Variants in SLC20A2 observed in about 807,000 individuals in gnomAD.
SLC20A2 encodes solute carrier family 20 member 2, also known as sodium-dependent phosphate transporter 2.
Under a neutral mutation model 61.0 loss-of-function variants are expected in SLC20A2, and 30 were observed. The observed-to-expected ratio is 0.49, with a 90% CI of 0.37 to 0.67. The LOEUF (loss-of-function observed/expected upper bound fraction) is 0.67. Ranked by LOEUF, SLC20A2 falls within the 30% of genes least tolerant of loss-of-function variation. The probability of loss-of-function intolerance (pLI) is 0.00; values close to 1 mark genes in which losing one functional copy is unlikely to be tolerated. For missense variants in SLC20A2, 626 were observed against 866.4 expected (o/e 0.72, Z 3.48); for synonymous variants, 351 against 353.3 (o/e 0.99, Z 0.07).
At chr8:42,436,886 C>T in intron 8 of SLC20A2, 103 bp downstream of exon 8, 4 of 1,065,740 alleles carry the variant, frequency 3.8e-6, no homozygotes, top group Non-Finnish European at 5.4e-6. Context: ...CTGGCAGGGA[C>T]TTCCATCGGT....
At chr8:42,446,348 G>C (rs57604068) in intron 5 of SLC20A2, among the ~76,000 whole-genome samples, 1 of 152,184 alleles carries the variant, frequency 6.6e-6, no homozygotes. Context: ...TTGTCCATCT[G>C]CTGTCAATGG....
At chr8:42,517,235 G>A (rs1250084163) in intron 1 of SLC20A2, among the ~76,000 whole-genome samples, 1 of 151,992 alleles carries the variant, frequency 6.6e-6, no homozygotes, top group African/African-American at 2.4e-5. Context: ...GGGCGAGGTG[G>A]CTCATGCCTG....
At chr8:42,482,820 G>A (rs1190188307) in intron 1 of SLC20A2, among the ~76,000 whole-genome samples, 1 of 152,088 alleles carries the variant, frequency 6.6e-6, no homozygotes, top group Non-Finnish European at 1.5e-5. Context: ...GAGGTCAGGG[G>A]TTTCAGACCA....
intron 1 of SLC20A2, among the ~76,000 whole-genome samples, chr8:42,512,358 T>C (rs1811079029): frequency 1.3e-5 from 2 of 151,094 alleles, no homozygotes; most frequent in African/African-American, 2.4e-5. Context: ...AAAAACTCTT[T>C]TTTTTTTTTG....
At chr8:42,516,046 G>A (rs1204901363) in intron 1 of SLC20A2, among the ~76,000 whole-genome samples, 1 of 152,152 alleles carries the variant, frequency 6.6e-6, no homozygotes, top group Admixed American at 6.5e-5. Context: ...GCCATAGCGA[G>A]GGCAGGAAGT....
At chr8:42,454,711 A>G (rs1309390749) in intron 5 of SLC20A2, among the ~76,000 whole-genome samples, 5 of 150,928 alleles carry the variant, frequency 3.3e-5, no homozygotes, top group Non-Finnish European at 7.4e-5. Flanking sequence ...TTACTCCCTT[A>G]TACAGATTTT....
At chr8:42,457,205 G>A (rs953047425) in intron 5 of SLC20A2, among the ~76,000 whole-genome samples, 1 of 152,100 alleles carries the variant, frequency 6.6e-6, no homozygotes, top group Non-Finnish European at 1.5e-5. Flanking sequence ...GGGGATTATA[G>A]GTGTGAGCCA....
chr8:42,417,732 C>T lies in SLC20A2; in HGVS notation c.*71G>A, dbSNP rs967248126. 1.5e-5 allele frequency: 23 copies of T among 1,529,538 alleles called. No homozygotes were observed. The highest frequency in any genetic ancestry group is 4.1e-5 in the African/African-American group (3 of 73,320). 94.7% of individuals were successfully genotyped at this position (1,529,538 alleles called of 1,614,324 possible). On this transcript the variant is annotated 3_prime_UTR_variant, in exon 11 of 11. Coordinates refer to ENST00000520262, the MANE Select transcript of SLC20A2 (RefSeq NM_001257180.2). The stretch of plus-strand genomic sequence containing the variant: ...ACGGCCAGGATGTGTATGTGCGGCA[C>T]GAGCACACATGTCTCCCACACGCCA...
intron 10 of SLC20A2, among the ~76,000 whole-genome samples, chr8:42,427,446 C>A (rs537676282): frequency 6.6e-6 from 1 of 152,306 alleles, no homozygotes; most frequent in African/African-American, 2.4e-5. Context: ...AGTCTCCTCA[C>A]CTGTGGACTG....
intron 10 of SLC20A2, among the ~76,000 whole-genome samples, chr8:42,421,677 A>G (rs1022356775): frequency 1.3e-5 from 2 of 151,962 alleles, no homozygotes; most frequent in African/African-American, 4.8e-5. Flanking sequence ...GGTGCTGCAC[A>G]CCTGTAATCC....
At chr8:42,494,515 ATT>A (rs1809768958) in intron 1 of SLC20A2, among the ~76,000 whole-genome samples, 1 of 152,248 alleles carries the variant, frequency 6.6e-6, no homozygotes, top group Non-Finnish European at 1.5e-5. Flanking sequence ...TAAATGCAGC[ATT>A]CTTTTCTCAG....
At chr8:42,429,660 C>T (rs574200100) in intron 9 of SLC20A2, among the ~76,000 whole-genome samples, 59 of 152,282 alleles carry the variant, frequency 3.9e-4, no homozygotes, top group African/African-American at 1.1e-3. Flanking sequence ...AAAGTAACCC[C>T]AGCAGGGTGG....
At chr8:42,462,577 AC>A (rs970579207) in intron 4 of SLC20A2, among the ~76,000 whole-genome samples, 1 of 151,644 alleles carries the variant, frequency 6.6e-6, no homozygotes, top group African/African-American at 2.4e-5. Context: ...CAGTGTTTCA[AC>A]CTTGCTCTCT....
chr8:42,456,328 G>A (rs756465788), intron 5 of SLC20A2, among the ~76,000 whole-genome samples: 10 of 152,180 alleles, frequency 6.6e-5, no homozygotes, highest in African/African-American at 2.2e-4. Context: ...CACAGAAGGC[G>A]TCCTCAGCTT....
chr8:42,471,477 A>C (rs1215976043), intron 2 of SLC20A2, among the ~76,000 whole-genome samples: 1 of 152,228 alleles, frequency 6.6e-6, no homozygotes, highest in Non-Finnish European at 1.5e-5. Context: ...CGGAAAACAA[A>C]ACAAACATAC....
chr8:42,441,355 T>C (rs867839814), intron 6 of SLC20A2, among the ~76,000 whole-genome samples: 15 of 151,902 alleles, frequency 9.9e-5, no homozygotes, highest in African/African-American at 2.9e-4. Flanking sequence ...GGTTTCACCA[T>C]GTTGGCCAAG....
intron 8 of SLC20A2, among the ~76,000 whole-genome samples, chr8:42,436,193 TCTGTGCA>T (rs1364848614): frequency 6.6e-6 from 1 of 151,992 alleles, no homozygotes; most frequent in Non-Finnish European, 1.5e-5. Context: ...GTTTCCTCGG[TCTGTGCA>T]CTCTGCCTCC....
At chr8:42,498,642 C>T (rs1486071500) in intron 1 of SLC20A2, among the ~76,000 whole-genome samples, 1 of 152,092 alleles carries the variant, frequency 6.6e-6, no homozygotes, top group Admixed American at 6.5e-5. Flanking sequence ...GGGCCATATC[C>T]CATTATGTTA....
Position 42,428,838 on chromosome 8 carries a change from A to G in SLC20A2, c.1714T>C (p.Phe572Leu). The G allele has an allele frequency of 1.3e-6, 2 of 1,597,268 alleles. No homozygotes were observed. The highest frequency in any genetic ancestry group is 1.3e-5 in the African/African-American group (1 of 74,248). Residue 572 changes from phenylalanine (F) to leucine (L), a missense_variant, in exon 10 of 11, where the codon TTC (phenylalanine) becomes CTC (leucine). Phe to Leu is a conservative substitution (Grantham distance 22). Around this residue, in one of 3 missense-constraint regions of SLC20A2, gnomAD observed 138 missense variants for 228.7 expected, o/e 0.60. Coordinates refer to ENST00000520262, the MANE Select transcript of SLC20A2 (RefSeq NM_001257180.2). Reference sequence around the variant, plus strand: ...AAGGCTGAGGCCAGCTCGATCGTGAAGCCGCTGTGGGGGGAGCATGAGACA... The same window carrying G: ...AAGGCTGAGGCCAGCTCGATCGTGAGGCCGCTGTGGGGGGAGCATGAGACA... Reference protein sequence around the residue: ...DLTPITPSSGFTIELASAFTV... With the variant: ...DLTPITPSSGLTIELASAFTV...
Sources: allele counts gnomAD v4.1 joint callset (sites outside exome capture counted in the v4.1 genomes callset), GRCh38; gene constraint gnomAD v4.1.1; regional missense constraint gnomAD v4.1.1; transcripts MANE v1.5; gene names NCBI Gene and HGNC (gene_info 2026-07-23, HGNC 2026-07-21).